Variants in EGFR observed in about 807,000 individuals in gnomAD.
The protein encoded by EGFR is avian erythroblastic leukemia viral (v-erb-b) oncogene homolog.
EGFR carries 58 observed loss-of-function variants against 143.0 expected under a neutral mutation model. That is an observed-to-expected ratio of 0.41 (90% CI 0.33 to 0.50). The LOEUF is 0.50. EGFR is among the 20% of genes least tolerant of loss of function. The pLI is 0.39. For synonymous variants in EGFR, 613 were observed against 594.4 expected, an observed-to-expected ratio of 1.03 and a Z score of -0.45; for missense variants, 1,307 against 1,579.0, an observed-to-expected ratio of 0.83 and a Z score of 2.92.
At chr7:55,038,621 G>A (rs910362882) in intron 1 of EGFR, among the ~76,000 whole-genome samples, 1 of 152,142 alleles carries the variant, frequency 6.6e-6, no homozygotes, top group Non-Finnish European at 1.5e-5. Context: ...AAAAGATTGA[G>A]AATTTTATAA....
intron 11 of EGFR, among the ~76,000 whole-genome samples, chr7:55,159,127 C>T (rs1214422457): frequency 3.3e-5 from 5 of 152,194 alleles, no homozygotes; most frequent in Non-Finnish European, 7.3e-5. Context: ...TGTGCTCCCT[C>T]CCCAAACCAG....
chr7:55,062,560 T>C (rs1345695892), intron 1 of EGFR, among the ~76,000 whole-genome samples: 1 of 152,190 alleles, frequency 6.6e-6, no homozygotes, highest in African/African-American at 2.4e-5. Context: ...AAAATGTGCA[T>C]GGGTTTCTGA....
chr7:55,057,950 G>T (rs1393496151), intron 1 of EGFR, among the ~76,000 whole-genome samples: 1 of 152,160 alleles, frequency 6.6e-6, no homozygotes, highest in Non-Finnish European at 1.5e-5. Flanking sequence ...ACTTTCAAAA[G>T]GAAGTGTTAG....
At chr7:55,202,195 AATAAAATATAAAATTCAG>A (rs1169061763) in intron 26 of EGFR, among the ~76,000 whole-genome samples, 12 of 152,220 alleles carry the variant, frequency 7.9e-5, no homozygotes, top group South Asian at 2.1e-4. Context: ...GTTAAAATGA[AATAAAATATAAAATTCAG>A]TTTCTCACAC....
At chr7:55,197,751 A>T (rs1787677238) in intron 22 of EGFR, among the ~76,000 whole-genome samples, 2 of 152,212 alleles carry the variant, frequency 1.3e-5, no homozygotes, top group Admixed American at 1.3e-4. Context: ...ATCTATTGAG[A>T]TGATCATGTG....
intron 1 of EGFR, among the ~76,000 whole-genome samples, chr7:55,136,587 A>G (rs1794156189): frequency 6.6e-6 from 1 of 152,232 alleles, no homozygotes; most frequent in Admixed American, 6.5e-5. Context: ...ACACACACAC[A>G]TCCTTACAGA....
At chr7:55,112,671 G>A (rs1344929141) in intron 1 of EGFR, among the ~76,000 whole-genome samples, 1 of 152,204 alleles carries the variant, frequency 6.6e-6, no homozygotes, top group East Asian at 1.9e-4. Context: ...GTATGGGAAT[G>A]CACAAGTAGG....
Position 55,166,791 on chromosome 7 carries a change from TTGGTGGTGG to T in EGFR, c.1880+1363_1880+1371del, listed in dbSNP as rs199877889. ...GGTGAGAGTCACAATGTTGGTGGTG[TTGGTGGTGG>T]TGGTGGTGAGGAGGTGGGAGTCACA... is the stretch of plus-strand genomic sequence containing the variant. On this transcript the variant is annotated intron_variant, in intron 15 of 27. Coordinates refer to ENST00000275493, the MANE Select transcript of EGFR (RefSeq NM_005228.5). 3.6e-5 allele frequency among the ~76,000 whole-genome samples: 4 copies of T among 112,306 alleles called. No individual in the cohort carries two copies. In the South Asian group the frequency reaches 1.5e-3, roughly 43 times the overall value. The allele number at this position is 112,306 out of a possible 152,430, so 73.7% of individuals were successfully genotyped here.
At chr7:55,164,200 A>C (rs2128945177) in intron 14 of EGFR, among the ~76,000 whole-genome samples, 1 of 152,392 alleles carries the variant, frequency 6.6e-6, no homozygotes, top group Non-Finnish European at 1.5e-5. Context: ...GAATTTTTAA[A>C]GAAATTGCTA....
At chr7:55,123,483 G>T (rs1039087546) in intron 1 of EGFR, among the ~76,000 whole-genome samples, 6 of 151,768 alleles carry the variant, frequency 4.0e-5, no homozygotes, top group Non-Finnish European at 8.8e-5. Flanking sequence ...TCTCCTTTCT[G>T]GTCTTCCTTT....
intron 10 of EGFR, chr7:55,157,069 G>T: frequency 1.9e-6 from 2 of 1,047,060 alleles, no homozygotes; most frequent in Non-Finnish European, 2.6e-6. Flanking sequence ...CCTCCCGCCC[G>T]GCCCCAGCCA....
chr7:55,167,413 A>ATGGTGGTGATGGTGG, intron 15 of EGFR, among the ~76,000 whole-genome samples: 1 of 43,156 alleles, frequency 2.3e-5, no homozygotes, highest in African/African-American at 1.1e-4. Context: ...GGTGGTGGTG[A>ATGGTGGTGATGGTGG]TGAGGGTGGT....
At chr7:55,032,085 C>G (rs775906924) in intron 1 of EGFR, among the ~76,000 whole-genome samples, 102 of 152,142 alleles carry the variant, frequency 6.7e-4, no homozygotes, top group Non-Finnish European at 1.0e-3. Context: ...TTGAGAGAAC[C>G]TCTAGGTACC....
At chr7:55,119,663 C>T (rs567773093) in intron 1 of EGFR, among the ~76,000 whole-genome samples, 3 of 152,242 alleles carry the variant, frequency 2.0e-5, no homozygotes, top group South Asian at 2.1e-4. Flanking sequence ...CTCGCTCTGG[C>T]GTGGCCTGGC....
chr7:55,131,691 G>T (rs1054177231), intron 1 of EGFR, among the ~76,000 whole-genome samples: 1 of 152,184 alleles, frequency 6.6e-6, no homozygotes, highest in Non-Finnish European at 1.5e-5. Flanking sequence ...TGGCTGTCCT[G>T]CTCCTGTCAG....
intron 4 of EGFR, among the ~76,000 whole-genome samples, chr7:55,150,061 G>A (rs1794951550): frequency 6.6e-6 from 1 of 151,992 alleles, no homozygotes; most frequent in African/African-American, 2.4e-5. Context: ...TGTAACAGAT[G>A]GTCAATACTA....
At chr7:55,058,546 T>G (rs890300246) in intron 1 of EGFR, among the ~76,000 whole-genome samples, 1 of 152,180 alleles carries the variant, frequency 6.6e-6, no homozygotes, top group Non-Finnish European at 1.5e-5. Flanking sequence ...AACAAGATCA[T>G]GTCCTTTGCG....
rs2128953824 is a variant in EGFR at position 55,174,061 on chromosome 7, G to A, written c.2184+18G>A. The A allele has an allele frequency of 6.2e-7, 1 of 1,614,154 alleles. No individual in the cohort carries two copies. The highest frequency in any genetic ancestry group is 8.5e-7 in the Non-Finnish European group (1 of 1,180,018). On this transcript the variant is annotated intron_variant, in intron 18 of 27. Transcript: ENST00000275493. ...TGTATAAGGTAAGGTCCCTGGCACA[G>A]GCCTCTGGGCTGGGCCGCAGGGCCT...
chr7:55,028,852 A>G (rs1168818001), intron 1 of EGFR, among the ~76,000 whole-genome samples: 1 of 152,228 alleles, frequency 6.6e-6, no homozygotes, highest in East Asian at 1.9e-4. Flanking sequence ...AAGTCCAAAC[A>G]TATGACAGAT....
Sources: gnomAD v4.1 joint callset for allele counts (sites outside exome capture counted in the v4.1 genomes callset) on GRCh38, gnomAD v4.1.1 for gene constraint, MANE v1.5 for transcripts, NCBI Gene and HGNC (gene_info 2026-07-23, HGNC 2026-07-21) for gene names.